The following DIP2B variants were observed in gnomAD, a reference collection of about 807,000 sequenced individuals.
DIP2B encodes disco-interacting protein 2 homolog B.
A neutral mutation model predicts 198.0 loss-of-function variants in DIP2B; 76 were observed. The ratio of observed to expected loss-of-function variants is 0.38; its 90% confidence interval spans 0.32 to 0.46. The LOEUF is 0.46. Among genes scored for constraint, DIP2B ranks in the 20% least tolerant of loss-of-function variants. The pLI is 0.99. For synonymous variants in DIP2B, 701 were observed against 739.1 expected, an observed-to-expected ratio of 0.95 and a Z score of 0.84; for missense variants, 1,559 against 1,978.4, an observed-to-expected ratio of 0.79 and a Z score of 4.02.
At chr12:50,608,817 A>G (rs759061880) in intron 1 of DIP2B, among the ~76,000 whole-genome samples, 1 of 152,066 alleles carries the variant, frequency 6.6e-6, no homozygotes, top group Non-Finnish European at 1.5e-5. Context: ...CCTAGAACAA[A>G]ATTTCATTTA....
intron 5 of DIP2B, among the ~76,000 whole-genome samples, chr12:50,673,717 T>C (rs1025825789): frequency 3.3e-5 from 5 of 152,088 alleles, no homozygotes; most frequent in African/African-American, 9.7e-5. Flanking sequence ...GCCCAGGAGG[T>C]TGAGGCTGTA....
chr12:50,680,259 TAAAA>T (rs11394582), intron 8 of DIP2B: 2 of 106,210 alleles, frequency 1.9e-5, no homozygotes, highest in African/African-American at 3.7e-5. Context: ...GACTCTGTCT[TAAAA>T]AAAAAAAAAA....
chr12:50,572,051 A>G (rs926678551), intron 1 of DIP2B, among the ~76,000 whole-genome samples: 1 of 152,194 alleles, frequency 6.6e-6, no homozygotes, highest in Non-Finnish European at 1.5e-5. Context: ...ACACAGCTCC[A>G]GTTATATTGC....
Position 50,526,626 on chromosome 12 carries a change from C to CTTTTT in DIP2B, c.100+21409_100+21413dup, listed in dbSNP as rs11423846. 2.4e-3 allele frequency among the ~76,000 whole-genome samples: 152 copies of CTTTTT among 64,194 alleles called. 40 individuals carry two copies. The highest frequency in any genetic ancestry group is 0.019 in the South Asian group (20 of 1,030). 42.1% of individuals were successfully genotyped at this position (64,194 alleles called of 152,430 possible). On this transcript the variant is annotated intron_variant, in intron 1 of 37. Transcript: ENST00000301180. ...TGCATTGATTCTCTTTTTCCTCTGC[C>CTTTTT]TTTTTTTTTTTTTTTTTTTTTTTTT...
intron 1 of DIP2B, among the ~76,000 whole-genome samples, chr12:50,592,828 A>G (rs754646329): frequency 3.3e-5 from 5 of 152,112 alleles, no homozygotes; most frequent in Non-Finnish European, 7.4e-5. Context: ...GCTTTTTTAT[A>G]AGATCGTGCA....
At chr12:50,675,581 C>T in intron 7 of DIP2B, 133 bp downstream of exon 7, 1 of 833,210 alleles carries the variant, frequency 1.2e-6, no homozygotes, top group Non-Finnish European at 1.7e-6. Flanking sequence ...TCATTTTCTG[C>T]TCTTTTTTCC....
intron 1 of DIP2B, among the ~76,000 whole-genome samples, chr12:50,558,693 A>G (rs1446464175): frequency 1.3e-5 from 2 of 152,242 alleles, no homozygotes; most frequent in Non-Finnish European, 2.9e-5. Context: ...TCAGAAGAAC[A>G]AAACAGAACT....
intron 1 of DIP2B, among the ~76,000 whole-genome samples, chr12:50,566,567 T>C (rs1285118408): frequency 6.6e-6 from 1 of 152,220 alleles, no homozygotes; most frequent in Non-Finnish European, 1.5e-5. Flanking sequence ...TAATTTGTTT[T>C]CTTCTTTCCT....
chr12:50,677,967 G>A (rs909244487), intron 7 of DIP2B, among the ~76,000 whole-genome samples: 1 of 151,656 alleles, frequency 6.6e-6, no homozygotes, highest in Non-Finnish European at 1.5e-5. Context: ...CAACGTGGGA[G>A]CACTAAGGAA....
At chr12:50,575,198 A>G (rs574296777) in intron 1 of DIP2B, among the ~76,000 whole-genome samples, 7 of 152,112 alleles carry the variant, frequency 4.6e-5, no homozygotes, top group African/African-American at 1.4e-4. Context: ...TCTGAGCTCC[A>G]TATTTGTATC....
intron 1 of DIP2B, among the ~76,000 whole-genome samples, chr12:50,540,754 G>T (rs1442122241): frequency 2.0e-5 from 3 of 149,342 alleles, no homozygotes; most frequent in Non-Finnish European, 4.5e-5. Flanking sequence ...TTTCACCGTG[G>T]TCTCGATCTC....
intron 20 of DIP2B, among the ~76,000 whole-genome samples, 169 bp downstream of exon 20, chr12:50,704,389 T>C (rs531298657): frequency 6.6e-6 from 1 of 152,380 alleles, no homozygotes; most frequent in African/African-American, 2.4e-5. Flanking sequence ...GTTTATCATT[T>C]CCACTACCCA....
chr12:50,611,118 G>T (rs1959028367), intron 1 of DIP2B, among the ~76,000 whole-genome samples: 1 of 152,078 alleles, frequency 6.6e-6, no homozygotes, highest in African/African-American at 2.4e-5. Context: ...TCTTTAGGGG[G>T]ATAATAGACA....
chr12:50,704,112 T>C (rs1939471346), intron 19 of DIP2B, 28 bp from the exon 20 acceptor site: 1 of 1,595,332 alleles, frequency 6.3e-7, no homozygotes, highest in Admixed American at 1.9e-5. Context: ...AAAGCAAAGT[T>C]TTTCACTTAC....
chr12:50,528,756 C>T (rs1051903127), intron 1 of DIP2B, among the ~76,000 whole-genome samples: 4 of 152,038 alleles, frequency 2.6e-5, no homozygotes, highest in Admixed American at 2.0e-4. Flanking sequence ...CTTGCAGAGG[C>T]GACTGCAAAG....
chr12:50,533,690 C>G (rs1958238764), intron 1 of DIP2B, among the ~76,000 whole-genome samples: 1 of 151,274 alleles, frequency 6.6e-6, no homozygotes, highest in South Asian at 2.1e-4. Flanking sequence ...CTCACTGCAA[C>G]CTCTACCTCT....
intron 1 of DIP2B, among the ~76,000 whole-genome samples, chr12:50,575,701 C>G (rs1958653787): frequency 6.6e-6 from 1 of 151,858 alleles, no homozygotes; most frequent in Admixed American, 6.6e-5. Context: ...TTGTTTATCT[C>G]CTAGGTCAGG....
At chr12:50,742,408 A>C (rs1159339641) in intron 37 of DIP2B, among the ~76,000 whole-genome samples, 2 of 145,398 alleles carry the variant, frequency 1.4e-5, no homozygotes, top group African/African-American at 5.0e-5. Context: ...AAAAAAAAAA[A>C]AAAAAAAAAA....
chr12:50,702,132 G>A (rs1221424982), intron 19 of DIP2B, among the ~76,000 whole-genome samples: 2 of 151,748 alleles, frequency 1.3e-5, no homozygotes, highest in African/African-American at 4.8e-5. Flanking sequence ...GGCGGATCAC[G>A]AGGTCAGGAG....
Sources: allele counts gnomAD v4.1 joint callset (sites outside exome capture counted in the v4.1 genomes callset), GRCh38; gene constraint gnomAD v4.1.1; transcripts MANE v1.5; gene names NCBI Gene and HGNC (gene_info 2026-07-23, HGNC 2026-07-21).